SPINK2: variants seen among roughly 807,000 people sequenced by gnomAD.
SPINK2 encodes serine protease inhibitor Kazal-type 2.
SPINK2 carries 8 observed loss-of-function variants against 13.5 expected under a neutral mutation model. The observed-to-expected ratio is 0.59, with a 90% CI of 0.35 to 1.07. The LOEUF is 1.07. Among genes scored for constraint, SPINK2 ranks in the 50% least tolerant of loss-of-function variants. The pLI is 0.02. For synonymous variants in SPINK2, 76 were observed against 74.7 expected (o/e 1.02, Z -0.09); for missense variants, 148 against 180.3 (o/e 0.82, Z 1.03).
chr4:56,821,750 C>G (rs1016571330), upstream of SPINK2: 23 of 1,190,138 alleles, frequency 1.9e-5, no homozygotes, highest in Non-Finnish European at 2.4e-5. Flanking sequence ...GCGGGGAGGG[C>G]GGGGGAAGGG....
At chr4:56,816,118 G>T (rs1272171763) in intron 2 of SPINK2, among the ~76,000 whole-genome samples, 1 of 151,950 alleles carries the variant, frequency 6.6e-6, no homozygotes, top group Non-Finnish European at 1.5e-5. Context: ...AAAGAAAAAG[G>T]ACTAATAAAC....
At position 56,815,762 on chromosome 4, in the gene SPINK2, TCACA is replaced by T. The variant is rs140055216; in HGVS notation, c.250-3972_250-3969del. Among the ~76,000 whole-genome samples the T allele has an allele frequency of 5.9e-3, 838 of 143,068 alleles. 6 individuals are homozygous for T. Among genetic ancestry groups the T allele is most frequent in the Middle Eastern group, 0.017 (5 of 288 alleles). 93.9% of individuals were successfully genotyped at this position (143,068 alleles called of 152,430 possible). On this transcript the variant is annotated intron_variant, in intron 2 of 3. Coordinates refer to ENST00000506738, the MANE Select transcript of SPINK2 (RefSeq NM_001271718.2). ...TGTTATATAGAAATTCCTAAGAAAT[TCACA>T]CACACACACACACACACACACACAC...
At chr4:56,812,071 T>C (rs944390252) in intron 2 of SPINK2, among the ~76,000 whole-genome samples, 20 of 151,512 alleles carry the variant, frequency 1.3e-4, no homozygotes, top group African/African-American at 4.6e-4. Flanking sequence ...AATTTTTGTA[T>C]TTTTAGTAGA....
At position 56,812,860 on chromosome 4, in the gene SPINK2, G is replaced by C. The variant is rs139770078; in HGVS notation, c.250-1066C>G. On this transcript the variant is annotated intron_variant, in intron 2 of 3. Coordinates refer to ENST00000506738, the MANE Select transcript of SPINK2 (RefSeq NM_001271718.2). ...GAATTGAAGCAAATTTGTGCCAAAGGAAAAATGTTCAAAACAGGTTCATCA... is the reference window on the plus strand; with the variant it reads ...GAATTGAAGCAAATTTGTGCCAAAGCAAAAATGTTCAAAACAGGTTCATCA... Among the ~76,000 whole-genome samples, 586 of 152,212 alleles carry C rather than the reference G, an allele frequency of 3.8e-3. 5 individuals carry two copies. Among genetic ancestry groups the C allele is most frequent in the African/African-American group, 0.014 (566 of 41,536 alleles).
chr4:56,811,885 A>G (rs1204084781), intron 2 of SPINK2, 91 bp from the exon 3 acceptor site: 5 of 453,072 alleles, frequency 1.1e-5, no homozygotes, highest in Non-Finnish European at 1.9e-5. Flanking sequence ...ATCTCCCTAG[A>G]TTTCCTAGAA....
intron 2 of SPINK2, among the ~76,000 whole-genome samples, chr4:56,816,187 A>G (rs1488913623): frequency 6.6e-6 from 1 of 152,212 alleles, no homozygotes; most frequent in Non-Finnish European, 1.5e-5. Context: ...TTATTTCTAT[A>G]CACTAACAAT....
chr4:56,816,878 A>G (rs1717495510), intron 2 of SPINK2, among the ~76,000 whole-genome samples: 1 of 146,604 alleles, frequency 6.8e-6, no homozygotes, highest in Non-Finnish European at 1.5e-5. Flanking sequence ...ACACTGTCTC[A>G]AAAAAAAAAA....
chr4:56,812,813 A>G (rs1201678514), intron 2 of SPINK2, among the ~76,000 whole-genome samples: 1 of 152,158 alleles, frequency 6.6e-6, no homozygotes, highest in African/African-American at 2.4e-5. Context: ...AACCAAAAAC[A>G]TTAAAGAAAG....
intron 2 of SPINK2, among the ~76,000 whole-genome samples, chr4:56,813,054 G>A (rs972470701): frequency 3.3e-5 from 5 of 152,156 alleles, no homozygotes; most frequent in Admixed American, 6.6e-5. Flanking sequence ...GAGCGTGGTG[G>A]CTCATGCCTG....
At chr4:56,817,853 C>CAA (rs74266184) in intron 2 of SPINK2, among the ~76,000 whole-genome samples, 4 of 76,294 alleles carry the variant, frequency 5.2e-5, no homozygotes, top group Non-Finnish European at 5.5e-5. Flanking sequence ...AACTCCATCT[C>CAA]AAAAAAAAAA....
At chr4:56,817,349 T>C (rs1717540777) in intron 2 of SPINK2, among the ~76,000 whole-genome samples, 1 of 152,340 alleles carries the variant, frequency 6.6e-6, no homozygotes, top group African/African-American at 2.4e-5. Context: ...CTTAACACTT[T>C]TAAGATGGCA....
At position 56,810,052 on chromosome 4, in the gene SPINK2, AC is replaced by A. The variant is rs1716849674; in HGVS notation, c.*86del. Reference sequence around the variant, plus strand: ...GTTAACAAATCTCATGTAAAGAAACACAGGAAAAGAGAAAAAGGGGAAATGC... The same window carrying A: ...GTTAACAAATCTCATGTAAAGAAACAAGGAAAAGAGAAAAAGGGGAAATGC... On this transcript the variant is annotated 3_prime_UTR_variant, in exon 4 of 4. Transcript: ENST00000506738. The A allele has an allele frequency of 6.5e-7, 1 of 1,538,816 alleles. No homozygotes were observed. The highest frequency in any genetic ancestry group is 1.4e-5 in the African/African-American group (1 of 72,022).
chr4:56,812,503 C>T (rs989749382), intron 2 of SPINK2, among the ~76,000 whole-genome samples: 7 of 140,402 alleles, frequency 5.0e-5, no homozygotes, highest in Non-Finnish European at 1.1e-4. Flanking sequence ...TGCGGTGAGC[C>T]GAGATCACGC....
Position 56,813,763 on chromosome 4 carries a change from G to A in SPINK2, c.250-1969C>T, listed in dbSNP as rs1030883404. Among the ~76,000 whole-genome samples the A allele has an allele frequency of 5.3e-5, 8 of 150,778 alleles. No homozygotes were observed. The South Asian group carries it at 6.4e-4, about 12-fold the overall frequency. On this transcript the variant is annotated intron_variant, in intron 2 of 3. Coordinates refer to ENST00000506738, the MANE Select transcript of SPINK2 (RefSeq NM_001271718.2). ...CTCCCCATTAGCTGGTATTACAGGC[G>A]CATGCCACCACGACCAGCTAAATTT...
At chr4:56,817,149 C>A (rs773397839) in intron 2 of SPINK2, among the ~76,000 whole-genome samples, 8 of 152,012 alleles carry the variant, frequency 5.3e-5, no homozygotes, top group Non-Finnish European at 1.2e-4. Context: ...TTGCAGTGAG[C>A]CGAGATCATG....
chr4:56,817,622 G>A (rs1045797310), intron 2 of SPINK2, among the ~76,000 whole-genome samples: 10 of 89,898 alleles, frequency 1.1e-4, no homozygotes, highest in African/African-American at 3.3e-4. Context: ...AGGCCGAGGC[G>A]GGCAGATGAC....
intron 2 of SPINK2, among the ~76,000 whole-genome samples, chr4:56,814,796 C>T (rs1717290354): frequency 6.6e-6 from 1 of 151,708 alleles, no homozygotes; most frequent in Non-Finnish European, 1.5e-5. Context: ...CCCGCCTCTA[C>T]TAAAAATACA....
In SPINK2 at chr4:56,821,690, C is replaced by T; in HGVS notation, c.-28G>A. 1 of 1,487,802 alleles carries T rather than the reference C, an allele frequency of 6.7e-7. No homozygotes were observed. The highest frequency in any genetic ancestry group is 8.9e-7 in the Non-Finnish European group (1 of 1,123,406). 92.2% of individuals were successfully genotyped at this position (1,487,802 alleles called of 1,614,324 possible). A position where few individuals can be genotyped will look rare whatever the true frequency, so the allele number is the denominator to read the frequency against. On this transcript the variant is annotated 5_prime_UTR_variant, in exon 1 of 4. Transcript: ENST00000506738. ...TCCTCCCGCGCCGGCTGTCTTGCCC[C>T]TGCGGTCTGTTACCTGCGCCACTCG...
chr4:56,812,563 CAAAAAAAAAAAAA>C (rs57162077), intron 2 of SPINK2, among the ~76,000 whole-genome samples: 1 of 16,366 alleles, frequency 6.1e-5, no homozygotes, highest in East Asian at 2.8e-3. Context: ...AACTCCATCT[CAAAAAAAAAAAAA>C]AAAAAAAAAA....
Sources: allele counts gnomAD v4.1 joint callset (sites outside exome capture counted in the v4.1 genomes callset), GRCh38; gene constraint gnomAD v4.1.1; transcripts MANE v1.5; gene names NCBI Gene and HGNC (gene_info 2026-07-23, HGNC 2026-07-21).